PHLDB2: variants seen among roughly 807,000 people sequenced by gnomAD.
PHLDB2 encodes pleckstrin homology like domain family B member 2, also known as pleckstrin homology-like domain family B member 2.
In PHLDB2, 71 loss-of-function variants were observed where a neutral mutation model predicts 123.6. That is an observed-to-expected ratio of 0.57 (90% CI 0.47 to 0.70). PHLDB2 has a LOEUF of 0.70. PHLDB2 is among the 30% of genes least tolerant of loss of function. The pLI is 0.00. For synonymous variants in PHLDB2, 547 were observed against 541.6 expected (o/e 1.01, Z -0.14); for missense variants, 1,446 against 1,519.5 (o/e 0.95, Z 0.80).
Position 111,913,572 on chromosome 3 carries a change from C to A in PHLDB2, c.1589C>A (p.Ala530Asp). Reference sequence around the variant, plus strand: ...TGTGGGAGTCTCAGTCAGAGCAGTGCCAGCTTCTTTACCCCCAGGAGCACC... The same window carrying A: ...TGTGGGAGTCTCAGTCAGAGCAGTGACAGCTTCTTTACCCCCAGGAGCACC... ...ASCGSLSQSSASFFTPRSTRN... is the reference protein window; with the variant it reads ...ASCGSLSQSSDSFFTPRSTRN... Residue 530 changes from alanine to aspartate, a missense_variant, in exon 3 of 18, where the codon GCC becomes GAC. Ala to Asp is a moderately radical substitution (Grantham distance 126, BLOSUM62 -2). Transcript: ENST00000431670. 1 of 1,614,124 alleles carries A rather than the reference C, an allele frequency of 6.2e-7. No individual in the cohort carries two copies. Among genetic ancestry groups the A allele is most frequent in the Non-Finnish European group, 8.5e-7 (1 of 1,180,020 alleles).
intron 16 of PHLDB2, among the ~76,000 whole-genome samples, chr3:111,971,438 C>A (rs530806953): frequency 1.0e-3 from 141 of 134,920 alleles, no homozygotes; most frequent in African/African-American, 3.5e-3. Flanking sequence ...TGACTGATTT[C>A]AATTTTAAAA....
At chr3:111,778,721 A>G (rs1213546433) in intron 1 of PHLDB2, among the ~76,000 whole-genome samples, 1 of 151,996 alleles carries the variant, frequency 6.6e-6, no homozygotes, top group Non-Finnish European at 1.5e-5. Flanking sequence ...GAACATCTCT[A>G]CTTTCTACCC....
intron 1 of PHLDB2, among the ~76,000 whole-genome samples, chr3:111,763,666 A>G (rs531005822): frequency 6.6e-6 from 1 of 152,182 alleles, no homozygotes; most frequent in South Asian, 2.1e-4. Context: ...ATCCTAGGTG[A>G]TGGTATTAGG....
At chr3:111,901,900 G>T (rs2107450303) in intron 2 of PHLDB2, among the ~76,000 whole-genome samples, 1 of 152,170 alleles carries the variant, frequency 6.6e-6, no homozygotes, top group African/African-American at 2.4e-5. Context: ...GAATTTCTTT[G>T]ACTTATGGCC....
chr3:111,881,281 T>A (rs2065912766), intron 1 of PHLDB2, among the ~76,000 whole-genome samples: 1 of 152,218 alleles, frequency 6.6e-6, no homozygotes, highest in Non-Finnish European at 1.5e-5. Context: ...TTCAATTTTT[T>A]CTTGCAATGT....
chr3:111,940,677 TAA>T (rs1382831223), intron 8 of PHLDB2, 32 bp downstream of exon 8: 1 of 1,325,660 alleles, frequency 7.5e-7, no homozygotes, highest in African/African-American at 1.5e-5. Flanking sequence ...CTGGCTACAG[TAA>T]AACATAGGTT....
chr3:111,968,913 A>T (rs1162362804), intron 15 of PHLDB2, among the ~76,000 whole-genome samples: 1 of 152,178 alleles, frequency 6.6e-6, no homozygotes, highest in East Asian at 1.9e-4. Flanking sequence ...CAAGTATATA[A>T]TTAGGTCATT....
chr3:111,850,422 A>G (rs2108602277), intron 2 of PHLDB2, among the ~76,000 whole-genome samples: 1 of 152,330 alleles, frequency 6.6e-6, no homozygotes, highest in Non-Finnish European at 1.5e-5. Flanking sequence ...GTAATAAAAA[A>G]TCTACTTGTA....
intron 5 of PHLDB2, among the ~76,000 whole-genome samples, chr3:111,930,517 G>A (rs923284726): frequency 2.0e-5 from 3 of 152,092 alleles, no homozygotes; most frequent in Middle Eastern, 3.2e-3. Flanking sequence ...TTATTTTGCT[G>A]TGTAAATAGG....
intron 1 of PHLDB2, among the ~76,000 whole-genome samples, chr3:111,800,707 A>G (rs1233954039): frequency 6.6e-6 from 1 of 152,188 alleles, no homozygotes; most frequent in African/African-American, 2.4e-5. Flanking sequence ...GTTACACGTT[A>G]ACTAAGATGC....
At chr3:111,854,759 A>ACAAGT (rs2064406498), upstream of PHLDB2, among the ~76,000 whole-genome samples, 1 of 152,264 alleles carries the variant, frequency 6.6e-6, no homozygotes, top group African/African-American at 2.4e-5. Flanking sequence ...AAAGAGGCTG[A>ACAAGT]CAAGTCCAGT....
intron 6 of PHLDB2, 138 bp downstream of exon 6, chr3:111,932,535 A>C (rs1475221307): frequency 2.2e-5 from 18 of 834,712 alleles, no homozygotes; most frequent in Non-Finnish European, 2.3e-5. Context: ...TTTAAATGGA[A>C]ATATGCATGC....
intron 6 of PHLDB2, among the ~76,000 whole-genome samples, chr3:111,934,804 A>G (rs2069367171): frequency 6.6e-6 from 1 of 152,310 alleles, no homozygotes; most frequent in African/African-American, 2.4e-5. Context: ...GTGGAAAAAG[A>G]TAATAGAAAT....
At chr3:111,896,589 G>A (rs1459519600) in intron 2 of PHLDB2, among the ~76,000 whole-genome samples, 2 of 152,060 alleles carry the variant, frequency 1.3e-5, no homozygotes, top group South Asian at 2.1e-4. Context: ...GACCTCAGGC[G>A]ATCTGCCTGC....
At position 111,735,943 on chromosome 3, in the gene PHLDB2, C is replaced by T. The variant is rs150772978; in HGVS notation, c.-49+3240C>T. Among the ~76,000 whole-genome samples the T allele has an allele frequency of 1.6e-4, 25 of 152,278 alleles. No individual in the cohort carries two copies. In the East Asian group the frequency reaches 4.6e-3, roughly 28 times the overall value. ...GGGAAACATACTCACCCAACAGTGT[C>T]TACACTGTTCACGTTCTAAATGTAG... On this transcript the variant is annotated intron_variant, in intron 1 of 17. Coordinates refer to the PHLDB2 transcript ENST00000393923.
intron 6 of PHLDB2, among the ~76,000 whole-genome samples, chr3:111,934,512 G>T (rs1388020306): frequency 6.6e-6 from 1 of 152,196 alleles, no homozygotes; most frequent in Non-Finnish European, 1.5e-5. Context: ...TAAGAAGAAA[G>T]TTATTTTATT....
rs1160584846 is a variant in PHLDB2, at chr3:111,906,459, T to C, written c.1336-6860T>C. Among the ~76,000 whole-genome samples the C allele has an allele frequency of 2.6e-5, 4 of 152,230 alleles. No individual in the cohort carries two copies. The South Asian group carries it at 8.3e-4, about 32-fold the overall frequency. The stretch of plus-strand genomic sequence containing the variant: ...AGACCTAAGTGGTCTGGCTCCAGAG[T>C]TCATGCATTTAGCCACTATAGTACA... On this transcript the variant is annotated intron_variant, in intron 2 of 17. Transcript: ENST00000431670.
chr3:111,894,191 G>A (rs1366365184), intron 2 of PHLDB2, among the ~76,000 whole-genome samples: 2 of 150,896 alleles, frequency 1.3e-5, no homozygotes, highest in South Asian at 2.1e-4. Flanking sequence ...ATAGTTTACT[G>A]AGAATGATGA....
chr3:111,758,379 A>G (rs1433686990), intron 1 of PHLDB2, among the ~76,000 whole-genome samples: 5 of 152,220 alleles, frequency 3.3e-5, no homozygotes, highest in African/African-American at 1.2e-4. Context: ...GCAATCAGCA[A>G]GACTCTGTGG....
Sources: allele counts gnomAD v4.1 joint callset (sites outside exome capture counted in the v4.1 genomes callset), GRCh38; gene constraint gnomAD v4.1.1; transcripts MANE v1.5; gene names NCBI Gene and HGNC (gene_info 2026-07-23, HGNC 2026-07-21).